The following DICER1 variants were observed in gnomAD, a reference collection of about 807,000 sequenced individuals.
DICER1 encodes the protein dicer 1, ribonuclease III.
In DICER1, 43 loss-of-function variants were observed where a neutral mutation model predicts 194.1. The observed-to-expected ratio is 0.22, with a 90% CI of 0.17 to 0.29. The LOEUF (loss-of-function observed/expected upper bound fraction) is 0.29. DICER1 is among the 10% of genes least tolerant of loss of function. The probability of loss-of-function intolerance (pLI) is 1.00; values close to 1 mark genes in which losing one functional copy is unlikely to be tolerated. For missense variants in DICER1, 1,608 were observed against 2,317.0 expected (o/e 0.69, Z 6.28); for synonymous variants, 832 against 820.5 (o/e 1.01, Z -0.24).
chr14:95,139,087 A>G (rs890674976), intron 1 of DICER1, among the ~76,000 whole-genome samples: 5 of 152,052 alleles, frequency 3.3e-5, no homozygotes, highest in African/African-American at 9.7e-5. Flanking sequence ...GTTGGCTGAA[A>G]GCCTATAGCA....
intron 1 of DICER1, 61 bp from the exon 2 acceptor site, chr14:95,133,564 C>T: frequency 8.1e-7 from 1 of 1,235,660 alleles, no homozygotes; most frequent in Non-Finnish European, 1.2e-6. Flanking sequence ...AAAGAAAGCA[C>T]AGAAACAAGA....
intron 14 of DICER1, among the ~76,000 whole-genome samples, chr14:95,109,611 G>A (rs1891774232): frequency 6.6e-6 from 1 of 152,180 alleles, no homozygotes; most frequent in Admixed American, 6.5e-5. Context: ...TTTGGTATGA[G>A]GAAAACATGC....
At chr14:95,150,212 G>A (rs57758965) in intron 1 of DICER1, among the ~76,000 whole-genome samples, 2,536 of 152,258 alleles carry the variant, frequency 0.017, 64 homozygotes, top group African/African-American at 0.058. Context: ...GGCCGGGCAC[G>A]GTGGCTCATG....
intron 8 of DICER1, among the ~76,000 whole-genome samples, chr14:95,123,616 C>A (rs545265943): frequency 2.0e-5 from 3 of 152,232 alleles, no homozygotes; most frequent in South Asian, 4.2e-4. Flanking sequence ...GACAGGGTTT[C>A]GTTGTGTTGC....
chr14:95,129,907 T>C (rs1017472205), intron 5 of DICER1, 151 bp downstream of exon 5: 2 of 717,704 alleles, frequency 2.8e-6, no homozygotes, highest in Non-Finnish European at 4.5e-6. Flanking sequence ...TAGATTTAAA[T>C]GAACATTAAT....
At chr14:95,132,737 T>G in intron 2 of DICER1, 60 bp from the exon 3 acceptor site, 4 of 1,521,724 alleles carry the variant, frequency 2.6e-6, no homozygotes, top group Non-Finnish European at 3.6e-6. Context: ...ATTTATAAAA[T>G]TGGATTTTAT....
chr14:95,134,719 T>C (rs994630626), intron 1 of DICER1, among the ~76,000 whole-genome samples: 1 of 152,150 alleles, frequency 6.6e-6, no homozygotes, highest in Non-Finnish European at 1.5e-5. Context: ...CTATCTCAAG[T>C]AAGCAGTGCA....
chr14:95,140,869 T>G (rs182912396), intron 1 of DICER1: 1 of 152,302 alleles, frequency 6.6e-6, no homozygotes, highest in East Asian at 1.9e-4. Context: ...GGCCATTATT[T>G]TGAATTAAAT....
chr14:95,111,087 T>C (rs1455780741), intron 14 of DICER1, among the ~76,000 whole-genome samples: 1 of 152,130 alleles, frequency 6.6e-6, no homozygotes, highest in Non-Finnish European at 1.5e-5. Context: ...AAGAATCCTT[T>C]TGAGAAGAAA....
At position 95,115,672 on chromosome 14, in the gene DICER1, G is replaced by A; in HGVS notation, c.1902C>T (p.Ile634=). The change falls in exon 11 of 27, where the codon ATC becomes ATT. Residue 634 remains isoleucine (I), a synonymous_variant. Coordinates refer to ENST00000343455, the MANE Select transcript of DICER1 (RefSeq NM_177438.3). ...RVTINTAIGH[I]NRYCARLPSD... ...CAAATGATATGATGCCATACCTATT[G>A]ATGTGTCCAATGGCCGTGTTGATTG... 1.2e-6 allele frequency: 2 copies of A among 1,614,060 alleles called. No individual in the cohort carries two copies. Among genetic ancestry groups the A allele is most frequent in the South Asian group, 2.2e-5 (2 of 91,078 alleles).
intron 24 of DICER1, among the ~76,000 whole-genome samples, chr14:95,093,088 G>A (rs528399226): frequency 6.6e-6 from 1 of 152,262 alleles, no homozygotes; most frequent in South Asian, 2.1e-4. Context: ...CAAAGGTTTG[G>A]TGCAATTAAA....
At chr14:95,103,214 G>A in intron 21 of DICER1, 132 bp downstream of exon 21, 1 of 988,602 alleles carries the variant, frequency 1.0e-6, no homozygotes, top group Middle Eastern at 2.1e-4. Context: ...GAACAAGGGA[G>A]CAGCTGTGCT....
rs1309383965 is a variant in DICER1, at chr14:95,137,431, G to A, written c.-45-3928C>T. ...AAAGAAAAAGGGGAAGGGAATAAGA[G>A]GAAGGAAAAGGGGAAGAGGAAAGGG... is the stretch of plus-strand genomic sequence containing the variant. On this transcript the variant is annotated intron_variant, in intron 1 of 26. Transcript: ENST00000343455. Among the ~76,000 whole-genome samples, 7 of 134,426 alleles carry A rather than the reference G, an allele frequency of 5.2e-5. No individual in the cohort carries two copies. The East Asian group carries it at 1.4e-3, about 27-fold the overall frequency. 88.2% of individuals were successfully genotyped at this position (134,426 alleles called of 152,430 possible).
chr14:95,146,973 A>C (rs1895177687), intron 1 of DICER1, among the ~76,000 whole-genome samples: 1 of 152,222 alleles, frequency 6.6e-6, no homozygotes, highest in African/African-American at 2.4e-5. Context: ...GAAGAGAGGA[A>C]GGAGGTGAGA....
Position 95,089,990 on chromosome 14 carries a change from A to G in DICER1, c.*508T>C, listed in dbSNP as rs1889642931. 3.6e-6 allele frequency: 1 copy of G among 276,978 alleles called. No individual in the cohort carries two copies. The highest frequency in any genetic ancestry group is 6.9e-6 in the Non-Finnish European group (1 of 144,836). The allele number at this position is 276,978 out of a possible 1,614,324, so 17.2% of individuals were successfully genotyped here. A position where few individuals can be genotyped will look rare whatever the true frequency, so the allele number is the denominator to read the frequency against. ...CCTTACACAGTATAACGTGGAAAGA[A>G]AAGACAACATTGGCGCACTTCTCCT... On this transcript the variant is annotated 3_prime_UTR_variant, in exon 27 of 27. Transcript: ENST00000343455.
Position 95,096,694 on chromosome 14 carries a change from G to A in DICER1, c.4226C>T (p.Ala1409Val), listed in dbSNP as rs776416084. 9 of 1,609,852 alleles carry A rather than the reference G, an allele frequency of 5.6e-6. No homozygotes were observed. Among genetic ancestry groups the A allele is most frequent in the Non-Finnish European group, 7.6e-6 (9 of 1,177,872 alleles). The change falls in exon 23 of 27, where the codon GCG (alanine) becomes GTG (valine). Residue 1409 changes from alanine to valine, a missense_variant. Physicochemically the swap from Ala to Val is moderately conservative, Grantham distance 64. Coordinates refer to ENST00000343455, the MANE Select transcript of DICER1 (RefSeq NM_177438.3). ...KDEMTKDCML[A>V]NGKLDEDYEE... ...GTAATCCTCATCCAGTTTGCCATTC[G>A]CCAGCATGCAGTCTTTTGTCTGAAA...
intron 21 of DICER1, 149 bp downstream of exon 21, chr14:95,103,197 C>T: frequency 1.2e-6 from 1 of 863,274 alleles, no homozygotes; most frequent in Non-Finnish European, 1.9e-6. Flanking sequence ...TTTCGCTGGC[C>T]CTGGTAGAAC....
intron 8 of DICER1, among the ~76,000 whole-genome samples, chr14:95,118,623 G>A (rs1892692041): frequency 6.6e-6 from 1 of 152,150 alleles, no homozygotes; most frequent in Non-Finnish European, 1.5e-5. Context: ...GGTGCAGAAG[G>A]TTAACAGTTA....
chr14:95,100,106 G>T (rs1409635075), intron 21 of DICER1, among the ~76,000 whole-genome samples, 171 bp from the exon 22 acceptor site: 1 of 151,962 alleles, frequency 6.6e-6, no homozygotes, highest in Non-Finnish European at 1.5e-5. Flanking sequence ...GTTATAAAAA[G>T]AATATTAAAT....
Sources: gnomAD v4.1 joint callset for allele counts (sites outside exome capture counted in the v4.1 genomes callset) on GRCh38, gnomAD v4.1.1 for gene constraint, MANE v1.5 for transcripts, NCBI Gene and HGNC (gene_info 2026-07-23, HGNC 2026-07-21) for gene names.